Variants in RGPD2 observed in about 807,000 individuals in gnomAD.
RGPD2 encodes the protein RANBP2-like and GRIP domain-containing protein 2.
RGPD2 carries 2 observed loss-of-function variants against 36.0 expected under a neutral mutation model. That is an observed-to-expected ratio of 0.06 (90% CI 0.02 to 0.17). RGPD2 has a LOEUF of 0.17. Ranked by LOEUF, RGPD2 falls within the 10% of genes least tolerant of loss-of-function variation. RGPD2 has a pLI of 1.00. For synonymous variants in RGPD2, 19 were observed against 163.8 expected (o/e 0.12, Z 6.75); for missense variants, 40 against 464.3 (o/e 0.09, Z 8.40).
At chr2:87,885,951 T>C in the RGPD2 span, among the ~76,000 whole-genome samples, 1 of 152,038 alleles carries the variant, frequency 6.6e-6, no homozygotes, top group Non-Finnish European at 1.5e-5. Flanking sequence ...ACAAACAGTC[T>C]TGCTAAAACG....
chr2:87,882,084 A>G, the RGPD2 span, among the ~76,000 whole-genome samples: 1 of 152,266 alleles, frequency 6.6e-6, no homozygotes, highest in East Asian at 1.9e-4. Flanking sequence ...TGAGGGATCT[A>G]TCTCCATGAC....
At chr2:87,939,672 G>A in the RGPD2 span, among the ~76,000 whole-genome samples, 6 of 151,890 alleles carry the variant, frequency 4.0e-5, no homozygotes, top group Middle Eastern at 6.8e-3. Flanking sequence ...ATATGACAGC[G>A]TATCTCCCAA....
chr2:87,772,938 T>A (rs1202372743), intron 21 of RGPD2, among the ~76,000 whole-genome samples: 33 of 129,252 alleles, frequency 2.6e-4, no homozygotes, highest in African/African-American at 9.4e-4. Context: ...AACGTCTCCA[T>A]GAGGAGCAAC....
At chr2:87,989,368 T>C in the RGPD2 span, among the ~76,000 whole-genome samples, 1 of 150,376 alleles carries the variant, frequency 6.6e-6, no homozygotes, top group Non-Finnish European at 1.5e-5. Flanking sequence ...AATGCTTGTT[T>C]TAATAAAAAG....
At chr2:87,884,292 A>G in the RGPD2 span, among the ~76,000 whole-genome samples, 5 of 151,996 alleles carry the variant, frequency 3.3e-5, no homozygotes, top group Non-Finnish European at 5.9e-5. Context: ...GGGATGCAGC[A>G]AAAGTAGTTC....
chr2:87,857,610 C>T, the RGPD2 span, among the ~76,000 whole-genome samples: 2 of 151,418 alleles, frequency 1.3e-5, no homozygotes, highest in Non-Finnish European at 2.9e-5. Context: ...CCAAAGTGAG[C>T]CACCGCGCCT....
At chr2:87,807,384 T>C (rs1372183841) in intron 6 of RGPD2, among the ~76,000 whole-genome samples, 11 of 125,434 alleles carry the variant, frequency 8.8e-5, no homozygotes, top group African/African-American at 3.6e-4. Context: ...TAAATTGTTT[T>C]TTTTTTTTTT....
chr2:87,988,299 A>ATAT, the RGPD2 span, among the ~76,000 whole-genome samples: 1 of 132,388 alleles, frequency 7.6e-6, no homozygotes, highest in Non-Finnish European at 1.6e-5. Context: ...ATTTATTAAG[A>ATAT]TAATTCTGAT....
intron 1 of RGPD2, 118 bp downstream of exon 1, chr2:87,825,517 CCGCCCGGCCGAGGCCGAGGCCGA>C (rs1686729051): frequency 2.5e-6 from 1 of 405,138 alleles, no homozygotes; most frequent in Non-Finnish European, 3.0e-6. Context: ...GCCGAGGCCG[CCGCCCGGCCGAGGCCGAGGCCGA>C]GGCCGCCGCC....
At chr2:87,853,718 T>C in the RGPD2 span, among the ~76,000 whole-genome samples, 1 of 151,144 alleles carries the variant, frequency 6.6e-6, no homozygotes, top group Non-Finnish European at 1.5e-5. Flanking sequence ...CTAATTATAT[T>C]TTGCTTTCAT....
chr2:87,876,893 T>G, the RGPD2 span, among the ~76,000 whole-genome samples: 1 of 152,164 alleles, frequency 6.6e-6, no homozygotes, highest in Non-Finnish European at 1.5e-5. Flanking sequence ...TGCTCCTATA[T>G]TAGGTGCATA....
At chr2:87,883,712 G>A in the RGPD2 span, among the ~76,000 whole-genome samples, 1 of 151,928 alleles carries the variant, frequency 6.6e-6, no homozygotes, top group African/African-American at 2.4e-5. Flanking sequence ...TGTAAAAAGG[G>A]ACAAAACAGT....
At chr2:87,866,351 TGTCAAATCATTTGAA>T in the RGPD2 span, among the ~76,000 whole-genome samples, 1 of 152,250 alleles carries the variant, frequency 6.6e-6, no homozygotes, top group Non-Finnish European at 1.5e-5. Context: ...TTAATCATTG[TGTCAAATCATTTGAA>T]GTCAGTAACA....
the RGPD2 span, among the ~76,000 whole-genome samples, chr2:87,932,291 G>T: frequency 1.1e-5 from 1 of 93,450 alleles, no homozygotes; most frequent in Admixed American, 1.1e-4. Context: ...TGTTTTTCCT[G>T]TCCTTGGAAA....
chr2:87,972,103 AAAG>A, the RGPD2 span, among the ~76,000 whole-genome samples: 1 of 152,194 alleles, frequency 6.6e-6, no homozygotes, highest in African/African-American at 2.4e-5. Flanking sequence ...CATGCAATGA[AAAG>A]AAATATATCT....
intron 6 of RGPD2, among the ~76,000 whole-genome samples, chr2:87,809,027 CG>C (rs1686042731): frequency 1.1e-5 from 1 of 91,416 alleles, no homozygotes; most frequent in African/African-American, 3.5e-5. Flanking sequence ...CGAGACCAGC[CG>C]GGCGCGGTGG....
At chr2:87,863,966 T>C in the RGPD2 span, among the ~76,000 whole-genome samples, 1 of 151,916 alleles carries the variant, frequency 6.6e-6, no homozygotes, top group Non-Finnish European at 1.5e-5. Flanking sequence ...GGAGGAATTA[T>C]GACCATTTTC....
At chr2:87,924,564 A>G in the RGPD2 span, among the ~76,000 whole-genome samples, 9 of 152,360 alleles carry the variant, frequency 5.9e-5, no homozygotes, top group African/African-American at 1.9e-4. Flanking sequence ...TTTAAGTTAC[A>G]TGTCGTTTTC....
At chr2:87,834,583 C>A in the RGPD2 span, among the ~76,000 whole-genome samples, 2 of 151,918 alleles carry the variant, frequency 1.3e-5, no homozygotes, top group African/African-American at 4.8e-5. Flanking sequence ...TTTAAAATAT[C>A]ACTCAAACTA....
Sources: gnomAD v4.1 joint callset for allele counts (sites outside exome capture counted in the v4.1 genomes callset) on GRCh38, gnomAD v4.1.1 for gene constraint, MANE v1.5 for transcripts, NCBI Gene and HGNC (gene_info 2026-07-23, HGNC 2026-07-21) for gene names.